PTPN3: variants seen among roughly 807,000 people sequenced by gnomAD.
The protein encoded by PTPN3 is tyrosine-protein phosphatase non-receptor type 3.
In PTPN3, 96 loss-of-function variants were observed where a neutral mutation model predicts 132.7. The ratio of observed to expected loss-of-function variants is 0.72; its 90% CI spans 0.61 to 0.86. The LOEUF is 0.86. Ranked by LOEUF, PTPN3 falls within the 40% of genes least tolerant of loss-of-function variation. The probability of loss-of-function intolerance (pLI) is 0.00; values close to 1 mark genes in which losing one functional copy is unlikely to be tolerated. For missense variants in PTPN3, 1,125 were observed against 1,159.6 expected (o/e 0.97, Z 0.43); for synonymous variants, 398 against 429.0 (o/e 0.93, Z 0.89).
At chr9:109,505,819 G>A in the PTPN3 span, among the ~76,000 whole-genome samples, 2 of 151,246 alleles carry the variant, frequency 1.3e-5, no homozygotes, top group East Asian at 1.9e-4. Context: ...GCGTGATCTC[G>A]GCTCACTGCA....
chr9:109,515,418 G>C, the PTPN3 span, among the ~76,000 whole-genome samples: 11 of 152,134 alleles, frequency 7.2e-5, no homozygotes, highest in African/African-American at 1.9e-4. Flanking sequence ...CTGAGCGCAG[G>C]GGGGGTCTTA....
intron 6 of PTPN3, among the ~76,000 whole-genome samples, chr9:109,446,995 G>C (rs1446947638): frequency 6.6e-6 from 1 of 152,134 alleles, no homozygotes; most frequent in East Asian, 1.9e-4. Flanking sequence ...TGTTCCACTG[G>C]GCCTGTCAAA....
In PTPN3 at chr9:109,498,260, G is replaced by T. The variant is rs937317866; in HGVS notation, c.-59C>A. ...CGCGGAGCGCCCAGGTAGGTCGCGC[G>T]TGCGGGCGGCGCGGAAGCTCGCTCG... On this transcript the variant is annotated 5_prime_UTR_variant, in exon 1 of 26. Coordinates refer to ENST00000374541, the MANE Select transcript of PTPN3 (RefSeq NM_002829.4). The surrounding 1 kb of genome is among the most constrained non-coding windows in gnomAD (Gnocchi z 4.2). 2.7e-5 allele frequency: 4 copies of T among 146,412 alleles called. No individual in the cohort carries two copies. The highest frequency in any genetic ancestry group is 9.8e-5 in the African/African-American group (4 of 40,842). 9.1% of individuals were successfully genotyped at this position (146,412 alleles called of 1,614,324 possible). A position where few individuals can be genotyped will look rare whatever the true frequency, so the allele number is the denominator to read the frequency against.
chr9:109,391,223 C>T (rs377046842), intron 20 of PTPN3, 24 bp from the exon 21 acceptor site: 25 of 1,597,422 alleles, frequency 1.6e-5, no homozygotes, highest in African/African-American at 6.7e-5. Flanking sequence ...AAAAATTTAC[C>T]GATTATTCCG....
chr9:109,517,499 G>T, the PTPN3 span, among the ~76,000 whole-genome samples: 4 of 152,226 alleles, frequency 2.6e-5, no homozygotes, highest in Non-Finnish European at 5.9e-5. Flanking sequence ...GTTCAAGGTA[G>T]TGGTTATCAA....
intron 13 of PTPN3, 100 bp from the exon 14 acceptor site, chr9:109,420,700 T>C (rs1319776124): frequency 8.0e-6 from 10 of 1,252,528 alleles, no homozygotes; most frequent in South Asian, 3.3e-5. Flanking sequence ...TTTCTAAGGA[T>C]GCCTTCCTTG....
chr9:109,436,924 G>T lies in PTPN3; in HGVS notation c.634C>A (p.Arg212=). 1.2e-6 allele frequency: 2 copies of T among 1,614,040 alleles called. No individual in the cohort carries two copies. Among genetic ancestry groups the T allele is most frequent in the Non-Finnish European group, 1.7e-6 (2 of 1,179,986 alleles). The stretch of plus-strand genomic sequence containing the variant: ...TCTACTCCATAGAAGTCGAGGGTCC[G>T]CGCTATGTTGATATAGCAGGATTCT... ...EAESCYINIA[R]TLDFYGVELH... The change falls in exon 9 of 26, where the codon CGG becomes AGG. Residue 212 remains arginine (R), a synonymous_variant. Coordinates refer to ENST00000374541, the MANE Select transcript of PTPN3 (RefSeq NM_002829.4).
the PTPN3 span, among the ~76,000 whole-genome samples, chr9:109,509,565 T>C: frequency 6.6e-6 from 1 of 152,092 alleles, no homozygotes; most frequent in African/African-American, 2.4e-5. Flanking sequence ...TTACTGAGAG[T>C]GTGATGAGTG....
chr9:109,486,454 G>A (rs1847213551), intron 1 of PTPN3, among the ~76,000 whole-genome samples: 1 of 152,158 alleles, frequency 6.6e-6, no homozygotes, highest in African/African-American at 2.4e-5. Context: ...GTGGAAAAGG[G>A]GAGTGGGCTG....
intron 1 of PTPN3, among the ~76,000 whole-genome samples, chr9:109,484,826 C>T (rs1435942417): frequency 6.6e-6 from 1 of 152,206 alleles, no homozygotes; most frequent in East Asian, 1.9e-4. Flanking sequence ...CATCCTCACG[C>T]AGTCCTCAGC....
chr9:109,377,131 C>A lies in PTPN3; in HGVS notation c.*2425G>T, dbSNP rs1838620207. On this transcript the variant is annotated 3_prime_UTR_variant, in exon 26 of 26. Transcript: ENST00000374541. ...CAAACAGTAATAACTTGCTAAATAT[C>A]CTAATGGCATTTAAATTTTTGCCAG... The A allele has an allele frequency of 6.6e-6, 1 of 152,226 alleles. No homozygotes were observed. Among genetic ancestry groups the A allele is most frequent in the South Asian group, 2.1e-4 (1 of 4,832 alleles). 9.4% of individuals were successfully genotyped at this position (152,226 alleles called of 1,614,324 possible). A position where few individuals can be genotyped will look rare whatever the true frequency, so the allele number is the denominator to read the frequency against.
intron 13 of PTPN3, 31 bp downstream of exon 13, chr9:109,422,687 T>C (rs779361806): frequency 1.6e-5 from 24 of 1,520,200 alleles, no homozygotes; most frequent in East Asian, 2.3e-5. Context: ...TACTGTTGGG[T>C]AGTACAAAAA....
At chr9:109,396,473 G>A (rs889825280) in intron 19 of PTPN3, among the ~76,000 whole-genome samples, 6 of 152,192 alleles carry the variant, frequency 3.9e-5, no homozygotes, top group Middle Eastern at 3.2e-3. Flanking sequence ...GCTCCTGGCT[G>A]CAGGTCCCTT....
At position 109,498,020 on chromosome 9, in the gene PTPN3, G is replaced by T. The variant is rs1214130812; in HGVS notation, c.-18+199C>A. Among the ~76,000 whole-genome samples the T allele has an allele frequency of 7.2e-6, 1 of 138,528 alleles. No individual in the cohort carries two copies. Among genetic ancestry groups the T allele is most frequent in the Non-Finnish European group, 1.6e-5 (1 of 63,272 alleles). The allele number at this position is 138,528 out of a possible 152,430, so 90.9% of individuals were successfully genotyped here. A position where few individuals can be genotyped will look rare whatever the true frequency, so the allele number is the denominator to read the frequency against. On this transcript the variant is annotated intron_variant, in intron 1 of 25. Transcript: ENST00000374541. The surrounding 1 kb of genome is among the most constrained non-coding windows in gnomAD (Gnocchi z 4.2). ...GCCCGCGCCCTCCCGCCCCGGCCCC[G>T]CCAGGTGAGCGCAGCGGGGCGCCCC...
intron 5 of PTPN3, among the ~76,000 whole-genome samples, chr9:109,452,336 GTTTTATAAAACGTTTGC>G (rs1373437956): frequency 3.3e-5 from 5 of 149,646 alleles, no homozygotes; most frequent in Non-Finnish European, 7.4e-5. Flanking sequence ...ACTTACTATA[GTTTTATAAAACGTTTGC>G]TTCAGTAATT....
the PTPN3 span, among the ~76,000 whole-genome samples, chr9:109,531,673 A>G: frequency 9.2e-5 from 14 of 152,176 alleles, no homozygotes; most frequent in Non-Finnish European, 1.6e-4. Context: ...AGCTCTACTT[A>G]TATTAATTAC....
chr9:109,381,629 G>A (rs538841479), intron 25 of PTPN3, 23 bp downstream of exon 25: 14 of 1,613,804 alleles, frequency 8.7e-6, no homozygotes, highest in East Asian at 2.2e-5. Context: ...GCCAGCCACC[G>A]TAATTACTGG....
At position 109,410,222 on chromosome 9, in the gene PTPN3, C is replaced by T. The variant is rs370544787; in HGVS notation, c.1500+7G>A. 30 of 1,612,750 alleles carry T rather than the reference C, an allele frequency of 1.9e-5. No homozygotes were observed. The highest frequency in any genetic ancestry group is 8.3e-5 in the Admixed American group (5 of 59,990). Reference sequence around the variant, plus strand: ...TGTGGATCACCCGGCTGCCTGCGCTCGCTCACCTTGTCACAGTAGTACTGG... The same window carrying T: ...TGTGGATCACCCGGCTGCCTGCGCTTGCTCACCTTGTCACAGTAGTACTGG... On this transcript the variant is annotated splice_region_variant and intron_variant, in intron 15 of 25. Transcript: ENST00000374541.
rs542203867 is a variant in PTPN3, at chr9:109,379,456, C to T, written c.*100G>A. On this transcript the variant is annotated 3_prime_UTR_variant, in exon 26 of 26. Transcript: ENST00000374541. ...GGGTTCAGAGGTGCCCATTCCTTTCCCACAGCTACTGGTTCCTCTTGCTGC... is the reference window on the plus strand; with the variant it reads ...GGGTTCAGAGGTGCCCATTCCTTTCTCACAGCTACTGGTTCCTCTTGCTGC... The T allele has an allele frequency of 1.8e-6, 2 of 1,109,398 alleles. No homozygotes were observed. The highest frequency in any genetic ancestry group is 3.1e-5 in the African/African-American group (2 of 64,620). The allele number at this position is 1,109,398 out of a possible 1,614,324, so 68.7% of individuals were successfully genotyped here.
Sources: allele counts gnomAD v4.1 joint callset (sites outside exome capture counted in the v4.1 genomes callset), GRCh38; gene constraint gnomAD v4.1.1; non-coding constraint Gnocchi (gnomAD v3.1); transcripts MANE v1.5; gene names NCBI Gene and HGNC (gene_info 2026-07-23, HGNC 2026-07-21).